Variants in KLHL13 observed in about 807,000 individuals in gnomAD.
KLHL13 encodes kelch like family member 13, also known as kelch-like protein 13.
Under a neutral mutation model 37.1 loss-of-function variants are expected in KLHL13, and 10 were observed. The ratio of observed to expected loss-of-function variants is 0.27; its 90% confidence interval spans 0.17 to 0.46. The LOEUF (loss-of-function observed/expected upper bound fraction) is 0.46. Among genes scored for constraint, KLHL13 ranks in the 20% least tolerant of loss-of-function variants. The pLI is 1.00. For synonymous variants in KLHL13, 163 were observed against 181.2 expected (o/e 0.90, Z 0.81); for missense variants, 360 against 509.3 (o/e 0.71, Z 2.82).
In KLHL13 at chrX:118,021,486, G is replaced by A. The variant is rs745697902; in HGVS notation, c.-55-75911C>T. 2.0e-3 allele frequency among the ~76,000 whole-genome samples: 221 copies of A among 108,974 alleles called. 1 individual carries two copies. Among genetic ancestry groups the A allele is most frequent in the African/African-American group, 6.8e-3 (202 of 29,784 alleles). The allele number at this position is 108,974 out of a possible 115,157, so 94.6% of individuals were successfully genotyped here. A position where few individuals can be genotyped will look rare whatever the true frequency, so the allele number is the denominator to read the frequency against. The stretch of plus-strand genomic sequence containing the variant: ...TTCCCACCTATGAGTGAGAACATGC[G>A]GTGTTTGGTTTTCTGTCCTTGTGAT... On this transcript the variant is annotated intron_variant, in intron 1 of 6. Coordinates refer to the KLHL13 transcript ENST00000371882.
At chrX:117,980,385 T>C (rs1179142126) in intron 1 of KLHL13, among the ~76,000 whole-genome samples, 1 of 111,876 alleles carries the variant, frequency 8.9e-6, no homozygotes, top group African/African-American at 3.2e-5. Context: ...GAGTATATTT[T>C]CTTCAACATC....
chrX:117,979,092 G>A (rs770155423), intron 1 of KLHL13, among the ~76,000 whole-genome samples: 4 of 110,115 alleles, frequency 3.6e-5, no homozygotes, highest in East Asian at 2.9e-4. Context: ...CACCACGCCC[G>A]GCTAATTTTT....
chrX:118,032,513 G>C (rs1283474515), intron 1 of KLHL13, among the ~76,000 whole-genome samples: 2 of 111,850 alleles, frequency 1.8e-5, no homozygotes, highest in Non-Finnish European at 3.8e-5. Context: ...TACTCCAACA[G>C]ACCTGCAGCT....
At chrX:118,095,843 T>C (rs1017281633) in intron 1 of KLHL13, among the ~76,000 whole-genome samples, 3 of 111,592 alleles carry the variant, frequency 2.7e-5, no homozygotes, top group East Asian at 5.6e-4. Flanking sequence ...TTGAAACCAA[T>C]GAGAACAAAG....
At chrX:117,935,157 G>A (rs180897160) in intron 2 of KLHL13, among the ~76,000 whole-genome samples, 299 of 112,120 alleles carry the variant, frequency 2.7e-3, no homozygotes, top group Non-Finnish European at 4.7e-3. Flanking sequence ...ATGTCCTCAC[G>A]GACATTTACA....
At chrX:118,108,824 T>G (rs2055374433) in intron 1 of KLHL13, among the ~76,000 whole-genome samples, 1 of 111,360 alleles carries the variant, frequency 9.0e-6, no homozygotes, top group Admixed American at 9.5e-5. Flanking sequence ...ATTTTTTTTT[T>G]GAGACAGGGT....
At chrX:117,946,344 T>C (rs758666148) in intron 1 of KLHL13, 1 of 112,264 alleles carries the variant, frequency 8.9e-6, no homozygotes, top group South Asian at 3.7e-4. Flanking sequence ...TATTTGCATG[T>C]ATTGCAGCAA....
chrX:118,008,330 AC>A (rs1480181701), intron 1 of KLHL13, among the ~76,000 whole-genome samples: 1 of 112,335 alleles, frequency 8.9e-6, no homozygotes, highest in Non-Finnish European at 1.9e-5. Flanking sequence ...CATTAATAGT[AC>A]TTAACCTATC....
At chrX:117,992,150 T>C (rs889965464) in intron 1 of KLHL13, among the ~76,000 whole-genome samples, 15 of 108,039 alleles carry the variant, frequency 1.4e-4, no homozygotes, top group Non-Finnish European at 1.7e-4. Context: ...CCTAGCAACT[T>C]TGGATGGGGT....
At chrX:117,983,435 G>GAAAA in intron 1 of KLHL13, 3 of 703,156 alleles carry the variant, frequency 4.3e-6, no homozygotes, top group Non-Finnish European at 5.9e-6. Context: ...AATTCGCACT[G>GAAAA]AAAAAAAAAA....
intron 2 of KLHL13, among the ~76,000 whole-genome samples, chrX:117,921,734 T>C (rs1931715095): frequency 8.9e-6 from 1 of 112,365 alleles, no homozygotes; most frequent in Non-Finnish European, 1.9e-5. Context: ...CCTACACATA[T>C]GTGTAGTATA....
chrX:117,953,638 G>A (rs1338047912), intron 1 of KLHL13, among the ~76,000 whole-genome samples: 1 of 111,532 alleles, frequency 9.0e-6, no homozygotes, highest in African/African-American at 3.3e-5. Context: ...CATGAGTCTA[G>A]TAACTATGAT....
At chrX:118,012,915 C>T (rs757228893) in intron 1 of KLHL13, among the ~76,000 whole-genome samples, 31 of 111,941 alleles carry the variant, frequency 2.8e-4, no homozygotes, top group Non-Finnish European at 4.5e-4. Context: ...GTCTCTTCTA[C>T]CCTACTTATT....
chrX:118,040,835 C>A (rs755002908), intron 1 of KLHL13, among the ~76,000 whole-genome samples: 2 of 112,151 alleles, frequency 1.8e-5, no homozygotes, highest in South Asian at 7.5e-4. Flanking sequence ...AAATAACATA[C>A]AATGGAGCTC....
intron 1 of KLHL13, among the ~76,000 whole-genome samples, chrX:117,958,978 G>A (rs751193898): frequency 9.0e-6 from 1 of 111,301 alleles, no homozygotes; most frequent in South Asian, 3.8e-4. Flanking sequence ...TATCTGCAGG[G>A]CTGGATCAGC....
At chrX:118,051,837 A>C (rs753713750) in intron 1 of KLHL13, among the ~76,000 whole-genome samples, 8 of 111,556 alleles carry the variant, frequency 7.2e-5, no homozygotes, top group Non-Finnish European at 9.4e-5. Flanking sequence ...TGAACACATA[A>C]AAATTGTCCA....
At chrX:117,912,542 T>A in intron 4 of KLHL13, among the ~76,000 whole-genome samples, 1 of 112,175 alleles carries the variant, frequency 8.9e-6, no homozygotes, top group East Asian at 2.8e-4. Context: ...AAATTTTATT[T>A]ACAGGCATTT....
chrX:118,090,949 T>TA (rs1389584497), intron 1 of KLHL13, among the ~76,000 whole-genome samples: 4 of 107,594 alleles, frequency 3.7e-5, no homozygotes, highest in Non-Finnish European at 7.7e-5. Flanking sequence ...TATGCAGTCA[T>TA]AAAAAATGAT....
At chrX:117,902,745 G>A (rs979855226) in intron 5 of KLHL13, among the ~76,000 whole-genome samples, 4 of 110,973 alleles carry the variant, frequency 3.6e-5, no homozygotes, top group Admixed American at 9.6e-5. Flanking sequence ...TTTTTAAAAG[G>A]CAGAGAAGCT....
Sources: gnomAD v4.1 joint callset for allele counts (sites outside exome capture counted in the v4.1 genomes callset) on GRCh38, gnomAD v4.1.1 for gene constraint, MANE v1.5 for transcripts, NCBI Gene and HGNC (gene_info 2026-07-23, HGNC 2026-07-21) for gene names.